The following SKAP1 variants were observed in gnomAD, a reference collection of about 807,000 sequenced individuals.
SKAP1 encodes src kinase associated phosphoprotein 1.
Under a neutral mutation model 58.5 loss-of-function variants are expected in SKAP1, and 44 were observed. The ratio of observed to expected loss-of-function variants is 0.75; its 90% CI spans 0.59 to 0.97. The LOEUF is 0.97. Ranked by LOEUF, SKAP1 falls within the 50% of genes least tolerant of loss-of-function variation. The pLI is 0.00. For synonymous variants in SKAP1, 127 were observed against 149.7 expected, an observed-to-expected ratio of 0.85 and a Z score of 1.11; for missense variants, 390 against 435.2, an observed-to-expected ratio of 0.90 and a Z score of 0.92.
chr17:48,438,377 T>C, the SKAP1 span, among the ~76,000 whole-genome samples: 1 of 152,208 alleles, frequency 6.6e-6, no homozygotes, highest in South Asian at 2.1e-4. Flanking sequence ...TCAATAAATA[T>C]ATATACAAAT....
At chr17:48,219,301 CA>C (rs1020520324) in intron 4 of SKAP1, among the ~76,000 whole-genome samples, 2 of 152,052 alleles carry the variant, frequency 1.3e-5, no homozygotes, top group Non-Finnish European at 2.9e-5. Flanking sequence ...TTCTCATTGG[CA>C]AAAAAACTGG....
chr17:48,180,006 T>C (rs1014284833), intron 9 of SKAP1, 48 bp downstream of exon 9: 13 of 1,489,918 alleles, frequency 8.7e-6, no homozygotes, highest in South Asian at 1.3e-5. Flanking sequence ...CACCAGGTCA[T>C]GAATTTCTGA....
intron 4 of SKAP1, among the ~76,000 whole-genome samples, chr17:48,201,243 A>G (rs1376205449): frequency 6.6e-6 from 1 of 151,640 alleles, no homozygotes; most frequent in African/African-American, 2.4e-5. Flanking sequence ...AATGGAGAGA[A>G]ATAAATTTCT....
At chr17:48,335,114 A>G (rs1046094624) in intron 4 of SKAP1, among the ~76,000 whole-genome samples, 11 of 151,846 alleles carry the variant, frequency 7.2e-5, no homozygotes, top group Admixed American at 5.9e-4. Flanking sequence ...TATAATATTC[A>G]GTACTCCCTT....
At chr17:48,136,976 T>TA (rs1427510086) in intron 12 of SKAP1, 4 of 337,156 alleles carry the variant, frequency 1.2e-5, no homozygotes, top group Non-Finnish European at 2.3e-5. Context: ...GCTTTCTGTG[T>TA]TAATTAAGTC....
chr17:48,184,695 G>A, intron 7 of SKAP1, 28 bp downstream of exon 7: 1 of 1,613,804 alleles, frequency 6.2e-7, no homozygotes. Context: ...ACACCAAGAA[G>A]GATCACCATC....
intron 11 of SKAP1, among the ~76,000 whole-genome samples, chr17:48,151,344 A>G (rs1251355757): frequency 6.6e-6 from 1 of 152,242 alleles, no homozygotes; most frequent in Non-Finnish European, 1.5e-5. Flanking sequence ...TTAGGCATCC[A>G]GTAATTTTTG....
intron 1 of SKAP1, among the ~76,000 whole-genome samples, chr17:48,397,848 T>C (rs1426906050): frequency 6.6e-6 from 1 of 151,542 alleles, no homozygotes; most frequent in South Asian, 2.1e-4. Flanking sequence ...AATCATGTTA[T>C]GTTGAAGGAA....
At chr17:48,166,505 A>G (rs1567802055) in intron 10 of SKAP1, among the ~76,000 whole-genome samples, 2 of 152,360 alleles carry the variant, frequency 1.3e-5, no homozygotes, top group South Asian at 2.1e-4. Context: ...CTTAGGGACA[A>G]TAAAATCTGA....
chr17:48,256,071 T>C (rs1195703462), intron 4 of SKAP1, among the ~76,000 whole-genome samples: 1 of 152,106 alleles, frequency 6.6e-6, no homozygotes, highest in Non-Finnish European at 1.5e-5. Flanking sequence ...GGTTATAAAA[T>C]AGCCACACTT....
chr17:48,265,610 G>A (rs1156794066), intron 4 of SKAP1, among the ~76,000 whole-genome samples: 2 of 151,980 alleles, frequency 1.3e-5, no homozygotes, highest in African/African-American at 4.8e-5. Context: ...GCATATTGAC[G>A]TGGTACTTAA....
At position 48,180,070 on chromosome 17, in the gene SKAP1, A is replaced by T; in HGVS notation, c.810T>A (p.Ile270=). The T allele has an allele frequency of 1.3e-6, 2 of 1,592,044 alleles. No individual in the cohort carries two copies. Among genetic ancestry groups the T allele is most frequent in the South Asian group, 2.3e-5 (2 of 86,596 alleles). ...EPTEEKEEED[I]YEVLPDEEHD... ...ATTTCTCACCTGGCAAGACTTCATAAATATCTTCTTCTTCTTTCTCCTCTG... is the reference window on the plus strand; with the variant it reads ...ATTTCTCACCTGGCAAGACTTCATATATATCTTCTTCTTCTTTCTCCTCTG... The change falls in exon 9 of 13, where the codon ATT becomes ATA. Residue 270 remains isoleucine, a synonymous_variant. Coordinates refer to ENST00000336915, the MANE Select transcript of SKAP1 (RefSeq NM_003726.4).
In SKAP1 at chr17:48,387,401, C is replaced by T. The variant is rs558060305; in HGVS notation, c.152+9279G>A. On this transcript the variant is annotated intron_variant, in intron 2 of 12. Transcript: ENST00000336915. ...TAAGACACCCATGCCACTATCTCTTCTCTCCATCTCACCTCTCCAGAATGG... is the reference window on the plus strand; with the variant it reads ...TAAGACACCCATGCCACTATCTCTTTTCTCCATCTCACCTCTCCAGAATGG... Among the ~76,000 whole-genome samples, 23 of 152,338 alleles carry T rather than the reference C, an allele frequency of 1.5e-4. 1 individual carries two copies. The highest frequency in any genetic ancestry group is 5.1e-4 in the African/African-American group (21 of 41,578).
At chr17:48,419,410 G>C (rs2067769842) in intron 1 of SKAP1, among the ~76,000 whole-genome samples, 1 of 151,738 alleles carries the variant, frequency 6.6e-6, no homozygotes. Flanking sequence ...TCAGCCTCCA[G>C]AGTAGCTGGG....
At chr17:48,263,001 T>G (rs1316415373) in intron 4 of SKAP1, among the ~76,000 whole-genome samples, 2 of 152,258 alleles carry the variant, frequency 1.3e-5, no homozygotes, top group African/African-American at 2.4e-5. Flanking sequence ...CAGTATTTCA[T>G]GTGCATTTTT....
At chr17:48,274,696 C>A (rs1598498006) in intron 4 of SKAP1, among the ~76,000 whole-genome samples, 1 of 147,736 alleles carries the variant, frequency 6.8e-6, no homozygotes, top group Non-Finnish European at 1.5e-5. Flanking sequence ...AACTCCTTCT[C>A]AAAAAAAAAA....
intron 1 of SKAP1, among the ~76,000 whole-genome samples, chr17:48,400,759 T>C (rs2067489886): frequency 6.7e-6 from 1 of 148,970 alleles, no homozygotes; most frequent in Non-Finnish European, 1.5e-5. Flanking sequence ...AAAATAAAAA[T>C]TAAAAAAAAA....
chr17:48,437,798 G>A, the SKAP1 span, among the ~76,000 whole-genome samples: 2 of 150,822 alleles, frequency 1.3e-5, no homozygotes, highest in Admixed American at 6.6e-5. Flanking sequence ...TGTTTTCCTG[G>A]TAATTCAAGC....
intron 2 of SKAP1, among the ~76,000 whole-genome samples, chr17:48,375,244 A>C (rs575092316): frequency 5.9e-5 from 9 of 152,176 alleles, no homozygotes; most frequent in Non-Finnish European, 1.2e-4. Context: ...CTACCTACTA[A>C]ATACAATGAT....
Sources: gnomAD v4.1 joint callset for allele counts (sites outside exome capture counted in the v4.1 genomes callset) on GRCh38, gnomAD v4.1.1 for gene constraint, MANE v1.5 for transcripts, NCBI Gene and HGNC (gene_info 2026-07-23, HGNC 2026-07-21) for gene names.